MAP3K15: variants seen among roughly 807,000 people sequenced by gnomAD.
The protein encoded by MAP3K15 is mitogen-activated protein kinase kinase kinase 15, also known as MAPK/ERK kinase kinase 15.
Under a neutral mutation model 99.5 loss-of-function variants are expected in MAP3K15, and 124 were observed. That is an observed-to-expected ratio of 1.25 (90% CI 1.08 to 1.45). The LOEUF (loss-of-function observed/expected upper bound fraction) is 1.45. MAP3K15 is among the 40% of genes most tolerant of loss of function. The pLI, the probability that MAP3K15 is intolerant of heterozygous loss-of-function variation, is 0.00. For synonymous variants in MAP3K15, 494 were observed against 439.6 expected, an observed-to-expected ratio of 1.12 and a Z score of -1.55; for missense variants, 1,242 against 1,079.7, an observed-to-expected ratio of 1.15 and a Z score of -2.11.
intron 4 of MAP3K15, 122 bp downstream of exon 4, chrX:19,464,091 C>A (rs2064149098): frequency 3.7e-6 from 2 of 544,127 alleles, no homozygotes; most frequent in South Asian, 9.0e-5. Flanking sequence ...CTAAGTGAGC[C>A]AGTAAGGGAC....
chrX:19,399,187 T>A (rs969483386), intron 14 of MAP3K15, among the ~76,000 whole-genome samples: 21 of 112,019 alleles, frequency 1.9e-4, no homozygotes, highest in Non-Finnish European at 3.6e-4. Context: ...ATGCTTGTAA[T>A]CCTAGCACTT....
At chrX:19,438,356 C>T (rs775670220) in intron 6 of MAP3K15, among the ~76,000 whole-genome samples, 5 of 112,013 alleles carry the variant, frequency 4.5e-5, no homozygotes, top group Non-Finnish European at 9.4e-5. Context: ...GATCCTCTCG[C>T]CTTGGCCTCC....
rs190915093 is a variant in MAP3K15 at position 19,435,501 on chromosome X, A to T, written c.996-3893T>A. Reference sequence around the variant, plus strand: ...GATTTTAGTTTTTTGGACCAGTTACATCAAGATTTCCCTTGAATTTTCTCA... The same window carrying T: ...GATTTTAGTTTTTTGGACCAGTTACTTCAAGATTTCCCTTGAATTTTCTCA... On this transcript the variant is annotated intron_variant, in intron 6 of 28. Transcript: ENST00000338883. 2.7e-5 allele frequency among the ~76,000 whole-genome samples: 3 copies of T among 112,333 alleles called. No individual in the cohort carries two copies. The East Asian group carries it at 8.3e-4, about 31-fold the overall frequency.
chrX:19,490,188 C>CAT (rs1280480629), intron 1 of MAP3K15, among the ~76,000 whole-genome samples: 2 of 99,307 alleles, frequency 2.0e-5, no homozygotes, highest in African/African-American at 3.7e-5. Flanking sequence ...CACACACATA[C>CAT]ATACAAAAAT....
chrX:19,422,792 C>A (rs899779632), intron 9 of MAP3K15, among the ~76,000 whole-genome samples: 1 of 111,396 alleles, frequency 9.0e-6, no homozygotes, highest in African/African-American at 3.3e-5. Context: ...TGTCCAACAA[C>A]GATAGACTGA....
intron 6 of MAP3K15, among the ~76,000 whole-genome samples, chrX:19,439,446 C>A (rs1236390216): frequency 2.7e-5 from 3 of 110,882 alleles, no homozygotes; most frequent in African/African-American, 9.8e-5. Flanking sequence ...CTCATCAAAT[C>A]GTGCACTTAA....
intron 1 of MAP3K15, among the ~76,000 whole-genome samples, chrX:19,500,834 G>A (rs1042163526): frequency 4.5e-5 from 5 of 111,941 alleles, no homozygotes; most frequent in Non-Finnish European, 7.5e-5. Flanking sequence ...TTCACTGCAG[G>A]GAACTGAAAA....
chrX:19,433,122 A>C (rs1280246412), intron 6 of MAP3K15, among the ~76,000 whole-genome samples: 1 of 111,807 alleles, frequency 8.9e-6, no homozygotes, highest in South Asian at 3.8e-4. Flanking sequence ...GTGGGGGCAA[A>C]GGGGAACAAA....
In MAP3K15 at chrX:19,374,657, C is replaced by G. The variant is rs762420004; in HGVS notation, c.2593G>C (p.Gly865Arg). Residue 865 changes from glycine (G) to arginine (R), a missense_variant, in exon 20 of 29, where the codon GGC becomes CGC. By Grantham distance (125) the Gly-to-Arg change is moderately radical. Transcript: ENST00000338883. ...ATCTCAGGGTGGATCTTAAACATGC[C>G]CACCTGCATTTAAGGGAGAGGTAAC... ...GEPQAAMFKVGMFKIHPEIPE... is the reference protein window; with the variant it reads ...GEPQAAMFKVRMFKIHPEIPE... 10 of 1,208,061 alleles carry G rather than the reference C, an allele frequency of 8.3e-6. 1 individual carries two copies. The South Asian group carries it at 1.8e-4, about 21-fold the overall frequency.
At position 19,515,140 on chromosome X, in the gene MAP3K15, G is replaced by A. The variant is rs1213670099; in HGVS notation, c.122C>T (p.Ala41Val). 2.5e-6 allele frequency: 2 copies of A among 793,398 alleles called. No homozygotes were observed. The highest frequency in any genetic ancestry group is 1.5e-6 in the Non-Finnish European group (1 of 654,255). 65.4% of individuals were successfully genotyped at this position (793,398 alleles called of 1,213,427 possible). Residue 41 changes from alanine (A) to valine (V), a missense_variant, in exon 1 of 29, where the codon GCG (alanine) becomes GTG (valine). Physicochemically the swap from Ala to Val is moderately conservative, Grantham distance 64 (BLOSUM62 0). Coordinates refer to ENST00000338883, the MANE Select transcript of MAP3K15 (RefSeq NM_001001671.4). ...GCCGCTGCCGCCTGCCGCGCCCTCC[G>A]CCGCCCCGTCGGGCTCCGCCGGCCC... Reference protein sequence around the residue: ...AAGPAEPDGAAEGAAGGSGEG... With the variant: ...AAGPAEPDGAVEGAAGGSGEG...
chrX:19,489,347 TC>T (rs1029143609), intron 1 of MAP3K15, among the ~76,000 whole-genome samples: 2 of 111,463 alleles, frequency 1.8e-5, no homozygotes, highest in African/African-American at 6.5e-5. Flanking sequence ...TTACCTGCAC[TC>T]AGGGTCCCAT....
chrX:19,408,118 TG>T (rs2063660515), intron 12 of MAP3K15, among the ~76,000 whole-genome samples: 1 of 111,555 alleles, frequency 9.0e-6, no homozygotes, highest in Admixed American at 9.6e-5. Flanking sequence ...GAGCAGGTTT[TG>T]AAAATCAATC....
chrX:19,461,605 T>C lies in MAP3K15; in HGVS notation c.720-1452A>G, dbSNP rs546083105. Among the ~76,000 whole-genome samples, 7 of 112,253 alleles carry C rather than the reference T, an allele frequency of 6.2e-5. No homozygotes were observed. In the South Asian group the frequency reaches 1.5e-3, roughly 24 times the overall value. On this transcript the variant is annotated intron_variant, in intron 4 of 28. Coordinates refer to ENST00000338883, the MANE Select transcript of MAP3K15 (RefSeq NM_001001671.4). Reference sequence around the variant, plus strand: ...TACATAAGTTGAGTTACAACAACCATAGATTGATTTAAAATATCTTGTCTA... The same window carrying C: ...TACATAAGTTGAGTTACAACAACCACAGATTGATTTAAAATATCTTGTCTA...
At chrX:19,399,691 G>A (rs146440525) in intron 14 of MAP3K15, among the ~76,000 whole-genome samples, 2,349 of 93,679 alleles carry the variant, frequency 0.025, 68 homozygotes, top group African/African-American at 0.088. Flanking sequence ...GCGAGATTGC[G>A]CCACTGCACT....
At chrX:19,445,066 C>G (rs1048576408) in intron 6 of MAP3K15, among the ~76,000 whole-genome samples, 1 of 111,202 alleles carries the variant, frequency 9.0e-6, no homozygotes, top group Non-Finnish European at 1.9e-5. Flanking sequence ...CCTCCCCAAA[C>G]TCCTCAACAC....
At chrX:19,409,022 TGCTGA>T (rs2147270945) in intron 12 of MAP3K15, among the ~76,000 whole-genome samples, 1 of 112,404 alleles carries the variant, frequency 8.9e-6, no homozygotes, top group Non-Finnish European at 1.9e-5. Flanking sequence ...GTGTATGCTT[TGCTGA>T]GTGTATTTCA....
chrX:19,476,750 C>A (rs2064245928), intron 3 of MAP3K15, among the ~76,000 whole-genome samples: 1 of 112,235 alleles, frequency 8.9e-6, no homozygotes, highest in Non-Finnish European at 1.9e-5. Context: ...GATATCCCTG[C>A]TGGAAACGTG....
intron 4 of MAP3K15, among the ~76,000 whole-genome samples, chrX:19,461,677 A>T (rs2064133629): frequency 9.0e-6 from 1 of 111,341 alleles, no homozygotes; most frequent in Non-Finnish European, 1.9e-5. Context: ...GCCAAGCAGT[A>T]ATACTGTCGT....
chrX:19,372,617 A>G lies in MAP3K15; in HGVS notation c.3108+36T>C, dbSNP rs759060289. The G allele has an allele frequency of 1.1e-5, 13 of 1,171,399 alleles. No individual in the cohort carries two copies. In the African/African-American group the frequency reaches 2.3e-4, roughly 21 times the overall value. ...TGGGGACTGGGACCTGGGCAGAGGG[A>G]GCGGGAAGAGTCGGTGCCCTCCCTC... On this transcript the variant is annotated intron_variant, in intron 22 of 28. Coordinates refer to ENST00000338883, the MANE Select transcript of MAP3K15 (RefSeq NM_001001671.4).
Sources: allele counts gnomAD v4.1 joint callset (sites outside exome capture counted in the v4.1 genomes callset), GRCh38; gene constraint gnomAD v4.1.1; transcripts MANE v1.5; gene names NCBI Gene and HGNC (gene_info 2026-07-23, HGNC 2026-07-21).